Variants in PAK3 observed in about 807,000 individuals in gnomAD.
PAK3 encodes serine/threonine-protein kinase PAK 3.
A neutral mutation model predicts 41.0 loss-of-function variants in PAK3; 4 were observed. The ratio of observed to expected loss-of-function variants is 0.10; its 90% CI spans 0.05 to 0.22. The LOEUF is 0.22. Ranked by LOEUF, PAK3 falls within the 10% of genes least tolerant of loss-of-function variation. PAK3 has a pLI of 1.00. For missense variants in PAK3, 205 were observed against 409.9 expected (o/e 0.50, Z 4.32); for synonymous variants, 146 against 139.6 (o/e 1.05, Z -0.32).
chrX:110,960,896 A>T (rs1602545591), intron 1 of PAK3, among the ~76,000 whole-genome samples: 1 of 111,552 alleles, frequency 9.0e-6, no homozygotes, highest in South Asian at 3.8e-4. Context: ...TCATCTGTTG[A>T]TTCTACAGTG....
intron 1 of PAK3, among the ~76,000 whole-genome samples, chrX:110,975,601 A>G (rs2091311792): frequency 8.9e-6 from 1 of 112,099 alleles, no homozygotes. Flanking sequence ...CAGAATTGGA[A>G]AAAACTACTT....
At chrX:111,143,083 A>G (rs1325528771) in intron 6 of PAK3, among the ~76,000 whole-genome samples, 1 of 111,031 alleles carries the variant, frequency 9.0e-6, no homozygotes, top group Non-Finnish European at 1.9e-5. Flanking sequence ...ACTATTAGTG[A>G]ACTCCATCAA....
intron 17 of PAK3, chrX:111,217,388 A>T: frequency 2.2e-6 from 1 of 448,203 alleles, no homozygotes; most frequent in East Asian, 9.2e-5. Context: ...GACATTTAAC[A>T]TCTAAGAACA....
intron 1 of PAK3, among the ~76,000 whole-genome samples, chrX:110,999,127 A>T (rs2091800401): frequency 8.9e-6 from 1 of 111,741 alleles, no homozygotes; most frequent in South Asian, 3.8e-4. Flanking sequence ...TTGCATCATC[A>T]CCATTCTCTG....
chrX:111,200,750 T>C (rs1297271903), intron 16 of PAK3, among the ~76,000 whole-genome samples: 1 of 112,374 alleles, frequency 8.9e-6, no homozygotes, highest in Admixed American at 9.4e-5. Flanking sequence ...GCTATTTTGC[T>C]TTCTGCCTTC....
chrX:111,137,372 T>C (rs1301266420), intron 5 of PAK3, among the ~76,000 whole-genome samples: 2 of 111,081 alleles, frequency 1.8e-5, no homozygotes, highest in Non-Finnish European at 3.8e-5. Context: ...AGCTAAGTAA[T>C]ATAAATACCT....
chrX:111,209,197 C>G (rs939031646), intron 16 of PAK3, among the ~76,000 whole-genome samples: 3 of 111,232 alleles, frequency 2.7e-5, no homozygotes, highest in Non-Finnish European at 5.7e-5. Flanking sequence ...AGACTGGGAA[C>G]AGTGAGACGT....
chrX:111,152,516 C>T, intron 8 of PAK3, 69 bp downstream of exon 8: 1 of 716,724 alleles, frequency 1.4e-6, no homozygotes, highest in South Asian at 2.2e-5. Flanking sequence ...TATAACTGCA[C>T]AGATCCAGTT....
chrX:111,064,155 G>C (rs1423328975), intron 1 of PAK3, among the ~76,000 whole-genome samples: 1 of 111,949 alleles, frequency 8.9e-6, no homozygotes, highest in Non-Finnish European at 1.9e-5. Flanking sequence ...TTTGGGCTCT[G>C]ACATGCTCCT....
chrX:110,973,629 A>C (rs1466640855), intron 1 of PAK3, among the ~76,000 whole-genome samples: 4 of 112,284 alleles, frequency 3.6e-5, no homozygotes, highest in Non-Finnish European at 7.5e-5. Flanking sequence ...TGTAAAGACC[A>C]TCAATGCTAT....
At chrX:111,126,713 T>C (rs1455660545) in intron 5 of PAK3, among the ~76,000 whole-genome samples, 1 of 111,875 alleles carries the variant, frequency 8.9e-6, no homozygotes, top group Non-Finnish European at 1.9e-5. Context: ...AACTAGGAAG[T>C]GCTGAATAAC....
At chrX:111,119,488 T>C (rs779391840) in intron 4 of PAK3, among the ~76,000 whole-genome samples, 25 of 112,124 alleles carry the variant, frequency 2.2e-4, no homozygotes, top group Non-Finnish European at 4.3e-4. Flanking sequence ...ACAGTTGAAC[T>C]TTAAAGATAA....
intron 1 of PAK3, among the ~76,000 whole-genome samples, chrX:111,077,265 A>G (rs1326270617): frequency 8.9e-6 from 1 of 111,752 alleles, no homozygotes; most frequent in South Asian, 3.8e-4. Flanking sequence ...TAAAATCCCT[A>G]TCAAAATTCC....
intron 1 of PAK3, among the ~76,000 whole-genome samples, chrX:111,035,995 G>A (rs2092396081): frequency 8.9e-6 from 1 of 112,477 alleles, no homozygotes; most frequent in South Asian, 3.7e-4. Context: ...GGAAGAGACT[G>A]ATGCCAAAGC....
chrX:111,212,145 A>T (rs919784231), intron 16 of PAK3, among the ~76,000 whole-genome samples: 7 of 111,618 alleles, frequency 6.3e-5, no homozygotes, highest in Non-Finnish European at 1.1e-4. Context: ...ATGGTTTCTT[A>T]CTTAACATTA....
At chrX:111,188,513 G>C (rs1056911740) in intron 11 of PAK3, among the ~76,000 whole-genome samples, 1 of 111,627 alleles carries the variant, frequency 9.0e-6, no homozygotes, top group African/African-American at 3.3e-5. Context: ...TCCCTAGGGG[G>C]GGAGAAAGGA....
chrX:111,008,878 G>A (rs2091970963), intron 1 of PAK3, among the ~76,000 whole-genome samples: 1 of 111,245 alleles, frequency 9.0e-6, no homozygotes, highest in Admixed American at 9.5e-5. Flanking sequence ...AGATACACAC[G>A]AGTGGGCAGC....
chrX:111,171,337 A>G (rs916682308), intron 10 of PAK3, among the ~76,000 whole-genome samples: 8 of 111,501 alleles, frequency 7.2e-5, no homozygotes, highest in African/African-American at 2.6e-4. Context: ...TAATACTGAC[A>G]TGTTTGCTTC....
At chrX:111,104,697 C>T (rs1011971442) in intron 4 of PAK3, among the ~76,000 whole-genome samples, 4 of 111,823 alleles carry the variant, frequency 3.6e-5, no homozygotes, top group African/African-American at 1.3e-4. Context: ...CAGCTCTGTG[C>T]TAGGCTCTTT....
Sources: allele counts gnomAD v4.1 joint callset (sites outside exome capture counted in the v4.1 genomes callset), GRCh38; gene constraint gnomAD v4.1.1; transcripts MANE v1.5; gene names NCBI Gene and HGNC (gene_info 2026-07-23, HGNC 2026-07-21).